Variants in ANKS1B observed in about 807,000 individuals in gnomAD.
ANKS1B encodes ankyrin repeat and sterile alpha motif domain containing 1B, also known as ankyrin repeat and sterile alpha motif domain-containing protein 1B.
ANKS1B carries 36 observed loss-of-function variants against 148.3 expected under a neutral mutation model. The ratio of observed to expected loss-of-function variants is 0.24; its 90% CI spans 0.19 to 0.32. ANKS1B has a LOEUF of 0.32. Ranked by LOEUF, ANKS1B falls within the 10% of genes least tolerant of loss-of-function variation. ANKS1B has a pLI of 1.00. For synonymous variants in ANKS1B, 542 were observed against 560.8 expected, an observed-to-expected ratio of 0.97 and a Z score of 0.47; for missense variants, 1,157 against 1,542.6, an observed-to-expected ratio of 0.75 and a Z score of 4.19.
intron 17 of ANKS1B, among the ~76,000 whole-genome samples, chr12:98,885,437 A>G (rs1217766151): frequency 2.0e-5 from 3 of 152,222 alleles, no homozygotes; most frequent in Non-Finnish European, 4.4e-5. Context: ...AGAAAAACAC[A>G]TTCAGTGAAC....
chr12:98,999,519 A>G (rs894812053), intron 17 of ANKS1B, among the ~76,000 whole-genome samples: 7 of 152,292 alleles, frequency 4.6e-5, no homozygotes, highest in Middle Eastern at 3.4e-3. Flanking sequence ...GGGAAAGGAT[A>G]CTTTATGTTT....
chr12:99,154,740 G>T, intron 14 of ANKS1B: 1 of 1,440,286 alleles, frequency 6.9e-7, no homozygotes, highest in Non-Finnish European at 9.1e-7. Flanking sequence ...CTATGTGATT[G>T]TTGGAGTACT....
intron 11 of ANKS1B, among the ~76,000 whole-genome samples, chr12:99,436,695 T>C (rs1422689678): frequency 1.3e-5 from 2 of 152,036 alleles, no homozygotes; most frequent in African/African-American, 4.8e-5. Flanking sequence ...ATTATTAAAC[T>C]GCTTTATTGT....
At chr12:99,070,069 G>C (rs1395565603) in intron 16 of ANKS1B, among the ~76,000 whole-genome samples, 3 of 152,230 alleles carry the variant, frequency 2.0e-5, no homozygotes, top group Admixed American at 2.0e-4. Context: ...GAAGTACTTA[G>C]AATAGTGCCT....
chr12:98,890,528 A>G (rs1012957258), intron 17 of ANKS1B, among the ~76,000 whole-genome samples: 4 of 152,204 alleles, frequency 2.6e-5, no homozygotes, highest in Non-Finnish European at 4.4e-5. Context: ...TACATTTTAT[A>G]TTTCTAGAAA....
At chr12:99,895,310 G>C (rs191220590) in intron 1 of ANKS1B, among the ~76,000 whole-genome samples, 1 of 150,218 alleles carries the variant, frequency 6.7e-6, no homozygotes, top group East Asian at 1.9e-4. Flanking sequence ...CAACGGGATA[G>C]AGAAATCTAG....
intron 1 of ANKS1B, among the ~76,000 whole-genome samples, chr12:99,908,075 G>A (rs1444143553): frequency 6.6e-6 from 1 of 152,066 alleles, no homozygotes; most frequent in Admixed American, 6.6e-5. Flanking sequence ...AATAGACATA[G>A]AATTATAACC....
In ANKS1B at chr12:98,736,490, C is replaced by G. The variant is rs1242143978; in HGVS notation, c.691-856G>C. On this transcript the variant is annotated intron_variant, in intron 9 of 9. Transcript: ENST00000341752. ...TTGCGGACGCGGTAAGTTTGAGATG[C>G]CCGTTAACGAGACATCCAGGTGGGG... Among the ~76,000 whole-genome samples the G allele has an allele frequency of 2.6e-5, 4 of 152,106 alleles. No individual in the cohort carries two copies. The East Asian group carries it at 7.7e-4, about 29-fold the overall frequency.
At chr12:99,302,400 G>A (rs2081768654) in intron 12 of ANKS1B, among the ~76,000 whole-genome samples, 1 of 152,024 alleles carries the variant, frequency 6.6e-6, no homozygotes, top group Non-Finnish European at 1.5e-5. Context: ...AACAACAGTA[G>A]CATTACCATT....
intron 12 of ANKS1B, among the ~76,000 whole-genome samples, chr12:99,348,622 T>A (rs1463156439): frequency 2.6e-5 from 4 of 151,848 alleles, no homozygotes; most frequent in Admixed American, 2.6e-4. Flanking sequence ...TATAGAAGAC[T>A]TAAGACAGTG....
At chr12:98,918,910 C>T (rs1479118208) in intron 17 of ANKS1B, among the ~76,000 whole-genome samples, 2 of 152,034 alleles carry the variant, frequency 1.3e-5, no homozygotes, top group Admixed American at 6.6e-5. Flanking sequence ...ATTTATAATG[C>T]TCTTATTGAT....
chr12:98,864,114 T>C (rs2099612920), intron 17 of ANKS1B, among the ~76,000 whole-genome samples: 1 of 150,918 alleles, frequency 6.6e-6, no homozygotes, highest in East Asian at 2.0e-4. Flanking sequence ...TGGCCTACAA[T>C]AGGTGTCTGT....
intron 17 of ANKS1B, among the ~76,000 whole-genome samples, chr12:99,016,468 C>T (rs1406090447): frequency 6.6e-6 from 1 of 152,196 alleles, no homozygotes; most frequent in African/African-American, 2.4e-5. Context: ...CCAGCCTAGC[C>T]AGCATGGCGA....
intron 17 of ANKS1B, among the ~76,000 whole-genome samples, chr12:98,982,167 G>A (rs1295197328): frequency 2.6e-5 from 4 of 152,156 alleles, no homozygotes; most frequent in African/African-American, 9.7e-5. Flanking sequence ...ATTAGATACA[G>A]AAGAATGCTA....
At chr12:99,596,753 T>G (rs1367402020) in intron 9 of ANKS1B, among the ~76,000 whole-genome samples, 3 of 151,918 alleles carry the variant, frequency 2.0e-5, no homozygotes. Context: ...TATGTAAACA[T>G]TACAGTACTT....
chr12:99,319,346 G>C (rs1330915443), intron 12 of ANKS1B, among the ~76,000 whole-genome samples: 9 of 152,110 alleles, frequency 5.9e-5, no homozygotes, highest in African/African-American at 2.2e-4. Context: ...TTATGAATCT[G>C]GGTACTCCTG....
chr12:99,119,168 A>G (rs1056060231), intron 15 of ANKS1B, among the ~76,000 whole-genome samples: 2 of 152,154 alleles, frequency 1.3e-5, no homozygotes, highest in Non-Finnish European at 2.9e-5. Context: ...ATACAAACAC[A>G]TGTATCTTAT....
intron 12 of ANKS1B, among the ~76,000 whole-genome samples, chr12:99,265,146 TA>T (rs774729214): frequency 1.3e-5 from 2 of 152,312 alleles, no homozygotes; most frequent in Non-Finnish European, 2.9e-5. Flanking sequence ...TAGTAGTGGC[TA>T]CTGTAAAGGA....
intron 14 of ANKS1B, among the ~76,000 whole-genome samples, chr12:99,165,055 T>C (rs940229766): frequency 1.3e-5 from 2 of 151,968 alleles, no homozygotes; most frequent in Admixed American, 6.6e-5. Context: ...GCAGAGTGAA[T>C]CACAATTTGT....
Sources: allele counts gnomAD v4.1 joint callset (sites outside exome capture counted in the v4.1 genomes callset), GRCh38; gene constraint gnomAD v4.1.1; transcripts MANE v1.5; gene names NCBI Gene and HGNC (gene_info 2026-07-23, HGNC 2026-07-21).